The following KCNMB2 variants were observed in gnomAD, a reference collection of about 807,000 sequenced individuals.
KCNMB2 encodes calcium-activated potassium channel subunit beta-2.
A neutral mutation model predicts 24.5 loss-of-function variants in KCNMB2; 9 were observed. The ratio of observed to expected loss-of-function variants is 0.37; its 90% confidence interval spans 0.22 to 0.64. The LOEUF is 0.64. Ranked by LOEUF, KCNMB2 falls within the 30% of genes least tolerant of loss-of-function variation. KCNMB2 has a pLI of 0.63. For synonymous variants in KCNMB2, 109 were observed against 104.4 expected, an observed-to-expected ratio of 1.04 and a Z score of -0.27; for missense variants, 226 against 284.3, an observed-to-expected ratio of 0.79 and a Z score of 1.47.
chr3:178,790,293 A>T (rs1379906790), intron 1 of KCNMB2, among the ~76,000 whole-genome samples: 2 of 152,048 alleles, frequency 1.3e-5, no homozygotes, highest in East Asian at 3.9e-4. Context: ...CTTCAGTGAG[A>T]CCCAGGGTCA....
chr3:178,777,892 C>A (rs1011106140), intron 1 of KCNMB2, among the ~76,000 whole-genome samples: 1 of 152,014 alleles, frequency 6.6e-6, no homozygotes, highest in Non-Finnish European at 1.5e-5. Flanking sequence ...CCCTGTTTAC[C>A]CAGTGATGAG....
intron 1 of KCNMB2, among the ~76,000 whole-genome samples, chr3:178,661,126 G>C (rs1720512730): frequency 6.6e-6 from 1 of 151,836 alleles, no homozygotes. Context: ...TCCTAATGCT[G>C]TCCCTCCCCT....
At chr3:178,833,980 G>A (rs374721718) in intron 4 of KCNMB2, among the ~76,000 whole-genome samples, 4 of 152,208 alleles carry the variant, frequency 2.6e-5, no homozygotes, top group East Asian at 3.9e-4. Context: ...ATTCACTGTG[G>A]TTGTTGCTTG....
chr3:178,820,413 A>T (rs1282732202), intron 2 of KCNMB2: 1 of 152,694 alleles, frequency 6.5e-6, no homozygotes, highest in Non-Finnish European at 1.5e-5. Flanking sequence ...GTTTCATCTG[A>T]TGAAGACTTA....
At chr3:178,685,611 A>G (rs1721440981) in intron 1 of KCNMB2, among the ~76,000 whole-genome samples, 1 of 152,224 alleles carries the variant, frequency 6.6e-6, no homozygotes, top group South Asian at 2.1e-4. Context: ...CCTTGTTTTT[A>G]TATAACATCA....
intron 1 of KCNMB2, among the ~76,000 whole-genome samples, chr3:178,589,305 G>T (rs1305435269): frequency 6.6e-6 from 1 of 152,108 alleles, no homozygotes; most frequent in African/African-American, 2.4e-5. Flanking sequence ...GTTTGGTTCT[G>T]CCTGAGCTCA....
rs537690769 is a variant in KCNMB2, at chr3:178,608,221, G to T, written c.-68+71510G>T. ...TGGGATTTTTAACCCATGAAGGAAA[G>T]TAAACAAGGATGCAAGAGCATTTTA... On this transcript the variant is annotated intron_variant, in intron 1 of 4. Transcript: ENST00000452583. Among the ~76,000 whole-genome samples the T allele has an allele frequency of 7.2e-5, 11 of 152,312 alleles. No homozygotes were observed. The South Asian group carries it at 1.9e-3, about 26-fold the overall frequency.
intron 1 of KCNMB2, chr3:178,558,846 TTTTC>T (rs368669413): frequency 1.4e-4 from 22 of 152,326 alleles, no homozygotes; most frequent in African/African-American, 5.3e-4. Context: ...CACCGTTCTG[TTTTC>T]TTTCTTTTCT....
rs1444736531 is a variant in KCNMB2 at position 178,757,916 on chromosome 3, T to C, written c.-67-49427T>C. Among the ~76,000 whole-genome samples the C allele has an allele frequency of 1.3e-4, 17 of 126,438 alleles. 2 individuals are homozygous for C. Among genetic ancestry groups the C allele is most frequent in the Non-Finnish European group, 3.4e-5 (2 of 58,438 alleles). 82.9% of individuals were successfully genotyped at this position (126,438 alleles called of 152,430 possible). ...ATATCCAAGAGGATACATATATATA[T>C]CCAAGAGGATATATATATACACAAG... is the stretch of plus-strand genomic sequence containing the variant. On this transcript the variant is annotated intron_variant, in intron 1 of 4. Coordinates refer to ENST00000452583, the MANE Select transcript of KCNMB2 (RefSeq NM_181361.3).
intron 1 of KCNMB2, among the ~76,000 whole-genome samples, chr3:178,650,746 T>A (rs187573735): frequency 7.9e-5 from 12 of 152,232 alleles, no homozygotes; most frequent in Non-Finnish European, 1.6e-4. Context: ...GATGCAAGGC[T>A]GATTCAACAT....
At chr3:178,750,727 A>G (rs1723816794) in intron 1 of KCNMB2, among the ~76,000 whole-genome samples, 1 of 152,224 alleles carries the variant, frequency 6.6e-6, no homozygotes, top group African/African-American at 2.4e-5. Flanking sequence ...ACTGCTTTTC[A>G]GACAGTAGGA....
At chr3:178,583,907 T>A (rs1272018328) in intron 1 of KCNMB2, among the ~76,000 whole-genome samples, 1 of 152,238 alleles carries the variant, frequency 6.6e-6, no homozygotes, top group East Asian at 1.9e-4. Flanking sequence ...CTGAAAGTGA[T>A]GCAGTAGCAG....
At chr3:178,745,673 G>C (rs771242811) in intron 1 of KCNMB2, among the ~76,000 whole-genome samples, 7 of 152,150 alleles carry the variant, frequency 4.6e-5, no homozygotes, top group Non-Finnish European at 1.0e-4. Context: ...AAAATCAAAA[G>C]CAGGTTCGTT....
intron 1 of KCNMB2, among the ~76,000 whole-genome samples, chr3:178,557,572 A>G (rs942984138): frequency 6.6e-6 from 1 of 152,174 alleles, no homozygotes; most frequent in Non-Finnish European, 1.5e-5. Context: ...TATTCTCTCT[A>G]CCCTTATTCG....
intron 1 of KCNMB2, among the ~76,000 whole-genome samples, chr3:178,595,576 T>C (rs530215670): frequency 6.6e-6 from 1 of 152,196 alleles, no homozygotes; most frequent in South Asian, 2.1e-4. Flanking sequence ...GAGTTAGTGC[T>C]AACGAGATCT....
intron 1 of KCNMB2, among the ~76,000 whole-genome samples, chr3:178,715,956 A>G (rs890177634): frequency 2.6e-5 from 4 of 152,184 alleles, no homozygotes; most frequent in African/African-American, 9.7e-5. Flanking sequence ...AGATGCCAGA[A>G]CTGCCTGCCC....
chr3:178,786,723 A>T (rs959609947), intron 1 of KCNMB2, among the ~76,000 whole-genome samples: 3 of 152,142 alleles, frequency 2.0e-5, no homozygotes, highest in Non-Finnish European at 4.4e-5. Context: ...TGTACCCTAA[A>T]ACTTAAAGTA....
intron 1 of KCNMB2, among the ~76,000 whole-genome samples, chr3:178,666,510 C>T (rs921390054): frequency 6.6e-5 from 10 of 152,082 alleles, no homozygotes; most frequent in Admixed American, 2.0e-4. Flanking sequence ...TGAAAGGCCT[C>T]GATCCTTGAT....
intron 2 of KCNMB2, among the ~76,000 whole-genome samples, chr3:178,818,613 T>G (rs1262791608): frequency 6.6e-6 from 1 of 152,160 alleles, no homozygotes; most frequent in African/African-American, 2.4e-5. Context: ...CCTCCATCAT[T>G]TCTCTTTTTT....
Sources: allele counts gnomAD v4.1 joint callset (sites outside exome capture counted in the v4.1 genomes callset), GRCh38; gene constraint gnomAD v4.1.1; transcripts MANE v1.5; gene names NCBI Gene and HGNC (gene_info 2026-07-23, HGNC 2026-07-21).